Variants in SLC25A21 observed in about 807,000 individuals in gnomAD.
SLC25A21 encodes mitochondrial 2-oxodicarboxylate carrier.
Under a neutral mutation model 43.8 loss-of-function variants are expected in SLC25A21, and 47 were observed. The observed-to-expected ratio is 1.07, with a 90% CI of 0.85 to 1.37. The LOEUF is 1.37. SLC25A21 is among the 40% of genes most tolerant of loss of function. The probability of loss-of-function intolerance (pLI) is 0.00; values close to 1 mark genes in which losing one functional copy is unlikely to be tolerated. For synonymous variants in SLC25A21, 131 were observed against 121.3 expected (o/e 1.08, Z -0.52); for missense variants, 352 against 350.2 (o/e 1.00, Z -0.04).
intron 1 of SLC25A21, among the ~76,000 whole-genome samples, chr14:36,877,928 T>C (rs1890592357): frequency 6.6e-6 from 1 of 152,092 alleles, no homozygotes; most frequent in Non-Finnish European, 1.5e-5. Context: ...TTGGTTGTTT[T>C]TTCTTATTAC....
chr14:36,824,449 G>A (rs557385456), intron 2 of SLC25A21, among the ~76,000 whole-genome samples: 2 of 152,160 alleles, frequency 1.3e-5, no homozygotes, highest in East Asian at 1.9e-4. Flanking sequence ...TGGATGGATC[G>A]AACCCCAAAC....
intron 1 of SLC25A21, among the ~76,000 whole-genome samples, chr14:36,950,621 G>T (rs538338542): frequency 2.0e-5 from 3 of 152,280 alleles, no homozygotes; most frequent in Admixed American, 2.0e-4. Context: ...CCTAGCAAAT[G>T]AATTCACAAT....
At chr14:36,726,716 C>CA (rs1263631437) in intron 5 of SLC25A21, among the ~76,000 whole-genome samples, 1 of 151,916 alleles carries the variant, frequency 6.6e-6, no homozygotes, top group Non-Finnish European at 1.5e-5. Flanking sequence ...GACAGAAGAA[C>CA]AAAATGAAAT....
intron 1 of SLC25A21, among the ~76,000 whole-genome samples, chr14:36,989,900 G>T (rs1960227255): frequency 6.6e-6 from 1 of 152,064 alleles, no homozygotes; most frequent in African/African-American, 2.4e-5. Context: ...AAAAAAGGGA[G>T]AGAGAAAGAG....
At chr14:37,113,853 CAAAA>C (rs34321762) in intron 1 of SLC25A21, among the ~76,000 whole-genome samples, 1 of 119,376 alleles carries the variant, frequency 8.4e-6, no homozygotes. Context: ...GACTCTGTCT[CAAAA>C]AAAAAAAAAA....
intron 6 of SLC25A21, among the ~76,000 whole-genome samples, chr14:36,722,752 G>A (rs1287523086): frequency 1.3e-5 from 2 of 152,076 alleles, no homozygotes; most frequent in African/African-American, 4.8e-5. Context: ...CATTTTTAGT[G>A]CACTTATACA....
intron 9 of SLC25A21, 24 bp downstream of exon 9, chr14:36,683,804 T>A (rs376096199): frequency 3.3e-5 from 51 of 1,555,596 alleles, no homozygotes; most frequent in Admixed American, 3.0e-4. Context: ...GAAGGAAGGA[T>A]TAAATAATCA....
chr14:36,701,015 G>T (rs1005299594), intron 7 of SLC25A21, among the ~76,000 whole-genome samples: 1 of 152,114 alleles, frequency 6.6e-6, no homozygotes, highest in Non-Finnish European at 1.5e-5. Context: ...GAGGAAATTT[G>T]CATTTTAGCT....
chr14:36,865,802 A>C (rs1263998716), intron 2 of SLC25A21, among the ~76,000 whole-genome samples: 1 of 152,172 alleles, frequency 6.6e-6, no homozygotes, highest in Non-Finnish European at 1.5e-5. Context: ...ACCAATAGAG[A>C]GTGTAAATCA....
intron 3 of SLC25A21, among the ~76,000 whole-genome samples, chr14:36,760,445 C>G (rs1306797114): frequency 6.6e-6 from 1 of 151,848 alleles, no homozygotes; most frequent in Non-Finnish European, 1.5e-5. Context: ...TTTTTTATTG[C>G]TCTGTCTTAG....
chr14:36,781,898 C>A (rs1304936985), intron 3 of SLC25A21, among the ~76,000 whole-genome samples: 1 of 152,138 alleles, frequency 6.6e-6, no homozygotes, highest in Non-Finnish European at 1.5e-5. Context: ...TTGAAGAACT[C>A]CTTTTAGCAT....
chr14:36,824,052 G>A (rs959250061), intron 2 of SLC25A21, among the ~76,000 whole-genome samples: 6 of 152,208 alleles, frequency 3.9e-5, no homozygotes, highest in African/African-American at 1.4e-4. Flanking sequence ...ACAGGAGCCA[G>A]GGGCCCAGTG....
intron 1 of SLC25A21, among the ~76,000 whole-genome samples, chr14:36,879,931 T>C (rs1166724903): frequency 6.6e-6 from 1 of 152,170 alleles, no homozygotes; most frequent in Non-Finnish European, 1.5e-5. Flanking sequence ...GGAATGTTTT[T>C]CTTCCGTAAG....
intron 3 of SLC25A21, among the ~76,000 whole-genome samples, chr14:36,743,369 A>C (rs1026355795): frequency 6.6e-6 from 1 of 152,142 alleles, no homozygotes; most frequent in African/African-American, 2.4e-5. Context: ...TTCCACTAGG[A>C]AATAATAATC....
intron 1 of SLC25A21, among the ~76,000 whole-genome samples, chr14:37,054,646 T>C (rs923746185): frequency 7.9e-5 from 12 of 152,038 alleles, no homozygotes; most frequent in Non-Finnish European, 1.6e-4. Context: ...AAAATGCTAA[T>C]AGAGGTTGGA....
chr14:37,002,748 T>C (rs560406513), intron 1 of SLC25A21, among the ~76,000 whole-genome samples: 1 of 152,354 alleles, frequency 6.6e-6, no homozygotes, highest in Admixed American at 6.5e-5. Flanking sequence ...ATTATCTTCC[T>C]GTGATCTACA....
intron 7 of SLC25A21, among the ~76,000 whole-genome samples, chr14:36,710,430 A>C (rs562293481): frequency 6.6e-6 from 1 of 152,008 alleles, no homozygotes; most frequent in African/African-American, 2.4e-5. Flanking sequence ...AAAAGAAAGA[A>C]AGAAAGAAAG....
At chr14:37,016,523 C>T (rs150733475) in intron 1 of SLC25A21, among the ~76,000 whole-genome samples, 2,239 of 151,988 alleles carry the variant, frequency 0.015, 25 homozygotes, top group South Asian at 0.066. Context: ...CTTGGCGATG[C>T]GGGCTCTTTT....
At chr14:36,973,987 G>C (rs951637991) in intron 1 of SLC25A21, among the ~76,000 whole-genome samples, 1 of 152,078 alleles carries the variant, frequency 6.6e-6, no homozygotes. Context: ...CTCTGGGACA[G>C]CTCTATTTAT....
Sources: gnomAD v4.1 joint callset for allele counts (sites outside exome capture counted in the v4.1 genomes callset) on GRCh38, gnomAD v4.1.1 for gene constraint, MANE v1.5 for transcripts, NCBI Gene and HGNC (gene_info 2026-07-23, HGNC 2026-07-21) for gene names.